Variants in CEBPZ observed in about 807,000 individuals in gnomAD.
The protein encoded by CEBPZ is CCAAT/enhancer-binding protein zeta.
Under a neutral mutation model 104.5 loss-of-function variants are expected in CEBPZ, and 78 were observed. That is an observed-to-expected ratio of 0.75 (90% CI 0.62 to 0.90). CEBPZ has a LOEUF of 0.90. Ranked by LOEUF, CEBPZ falls within the 40% of genes least tolerant of loss-of-function variation. CEBPZ has a pLI of 0.00. For missense variants in CEBPZ, 1,439 were observed against 1,233.5 expected (o/e 1.17, Z -2.50); for synonymous variants, 470 against 427.0 (o/e 1.10, Z -1.24).
intron 4 of CEBPZ, among the ~76,000 whole-genome samples, chr2:37,222,161 G>T (rs1291799711): frequency 6.6e-6 from 1 of 152,194 alleles, no homozygotes; most frequent in Non-Finnish European, 1.5e-5. Context: ...GCACATGCCT[G>T]TAATCCCAGC....
chr2:37,205,893 C>T lies in CEBPZ; in HGVS notation c.2885-2885G>A, dbSNP rs926051041. ...AAAACAATTAGCAGAAAGAAGAGTT[C>T]GTATCATAATAAAGGAGCATGGATT... is the stretch of plus-strand genomic sequence containing the variant. On this transcript the variant is annotated intron_variant, in intron 13 of 15. Coordinates refer to ENST00000234170, the MANE Select transcript of CEBPZ (RefSeq NM_005760.3). 7.2e-5 allele frequency among the ~76,000 whole-genome samples: 11 copies of T among 151,998 alleles called. No individual in the cohort carries two copies. The South Asian group carries it at 8.3e-4, about 11-fold the overall frequency.
chr2:37,229,773 C>A (rs1004533650), intron 1 of CEBPZ, among the ~76,000 whole-genome samples: 1 of 152,168 alleles, frequency 6.6e-6, no homozygotes, highest in Non-Finnish European at 1.5e-5. Context: ...AGTGGCATGA[C>A]CATGGCTGAA....
Position 37,228,643 on chromosome 2 carries a change from A to G in CEBPZ, c.550T>C (p.Tyr184His). The stretch of plus-strand genomic sequence containing the variant: ...TATTCATTGCTGTACTCCAGATCAT[A>G]CCATTTGCCTCCAGGCCTAAGTAAC... ...TLLLRPGGKWYDLEYSNEYSL... is the reference protein window; with the variant it reads ...TLLLRPGGKWHDLEYSNEYSL... The change falls in exon 2 of 16, where the codon TAT (tyrosine) becomes CAT (histidine). Residue 184 changes from tyrosine to histidine, a missense_variant. Physicochemically the swap from Tyr to His is moderately conservative, Grantham distance 83. Transcript: ENST00000234170. 1 of 1,614,182 alleles carries G rather than the reference A, an allele frequency of 6.2e-7. No individual in the cohort carries two copies. Among genetic ancestry groups the G allele is most frequent in the Non-Finnish European group, 8.5e-7 (1 of 1,180,034 alleles).
intron 2 of CEBPZ, among the ~76,000 whole-genome samples, chr2:37,226,949 ACT>A (rs1299505102): frequency 2.0e-5 from 3 of 151,704 alleles, no homozygotes; most frequent in African/African-American, 7.3e-5. Flanking sequence ...ATCCCCCAAA[ACT>A]CTCTACTTAA....
At chr2:37,218,049 C>CGAGGTCAG (rs1260217259) in intron 5 of CEBPZ, among the ~76,000 whole-genome samples, 2 of 151,668 alleles carry the variant, frequency 1.3e-5, no homozygotes, top group Non-Finnish European at 2.9e-5. Context: ...GGGCGGATCA[C>CGAGGTCAG]GAGGTCAGGA....
chr2:37,226,772 T>C (rs533559076), intron 2 of CEBPZ, among the ~76,000 whole-genome samples: 2 of 152,272 alleles, frequency 1.3e-5, no homozygotes, highest in African/African-American at 4.8e-5. Flanking sequence ...GAAGGAAATA[T>C]ATTAATTTCT....
Position 37,213,865 on chromosome 2 carries a change from A to T in CEBPZ, c.2544T>A (p.Ile848=). 6.3e-7 allele frequency: 1 copy of T among 1,596,928 alleles called. No individual in the cohort carries two copies. Among genetic ancestry groups the T allele is most frequent in the Non-Finnish European group, 8.6e-7 (1 of 1,168,144 alleles). Residue 848 remains isoleucine (I), a splice_region_variant and synonymous_variant, in exon 10 of 16, where the codon ATT becomes ATA. Coordinates refer to ENST00000234170, the MANE Select transcript of CEBPZ (RefSeq NM_005760.3). ...DVDDEEFEEL[I]DTFEDDNCFS... is the part of the protein sequence containing the mutation. Reference sequence around the variant, plus strand: ...CAAAGAGTCAACAAAACAAATTACCAATCAGCTCTTCAAATTCTTCATCAT... The same window carrying T: ...CAAAGAGTCAACAAAACAAATTACCTATCAGCTCTTCAAATTCTTCATCAT...
chr2:37,209,533 A>G (rs1262919817), intron 13 of CEBPZ: 1 of 152,174 alleles, frequency 6.6e-6, no homozygotes, highest in Non-Finnish European at 1.5e-5. Flanking sequence ...AACAAAAACA[A>G]AGTGGGGAAA....
chr2:37,216,434 G>A lies in CEBPZ; in HGVS notation c.2209-16C>T. 1 of 1,562,138 alleles carries A rather than the reference G, an allele frequency of 6.4e-7. No homozygotes were observed. On this transcript the variant is annotated splice_polypyrimidine_tract_variant and intron_variant, in intron 6 of 15. Coordinates refer to ENST00000234170, the MANE Select transcript of CEBPZ (RefSeq NM_005760.3). ...TATAGTTTCCCTGAAAAGTGGAGCG[G>A]GGATTTAAAAACTTAATTCAAATTA...
intron 7 of CEBPZ, 48 bp downstream of exon 7, chr2:37,216,268 T>C (rs768861718): frequency 1.2e-6 from 2 of 1,601,222 alleles, no homozygotes; most frequent in South Asian, 1.1e-5. Context: ...ATATTGTTTA[T>C]TATGTATTAA....
intron 1 of CEBPZ, among the ~76,000 whole-genome samples, chr2:37,230,176 C>G (rs1032973650): frequency 1.3e-5 from 2 of 152,072 alleles, no homozygotes; most frequent in African/African-American, 4.8e-5. Context: ...AGCAATGACA[C>G]AGAACGTTAT....
At position 37,212,870 on chromosome 2, in the gene CEBPZ, A is replaced by C. The variant is rs544760883; in HGVS notation, c.2546-478T>G. Among the ~76,000 whole-genome samples, 622 of 143,024 alleles carry C rather than the reference A, an allele frequency of 4.3e-3. 3 individuals carry two copies. The highest frequency in any genetic ancestry group is 0.012 in the African/African-American group (492 of 39,738). The allele number at this position is 143,024 out of a possible 152,430, so 93.8% of individuals were successfully genotyped here. On this transcript the variant is annotated intron_variant, in intron 10 of 15. Transcript: ENST00000234170. ...AAAAAAACAAAAACAACAACAACAA[A>C]AAAAAAAACAAAAAAAAAACGAGCC...
chr2:37,207,260 A>T (rs1284296995), intron 13 of CEBPZ, among the ~76,000 whole-genome samples: 1 of 152,238 alleles, frequency 6.6e-6, no homozygotes, highest in Non-Finnish European at 1.5e-5. Flanking sequence ...CAGAAAGTCA[A>T]CAAAGAAACA....
intron 13 of CEBPZ, among the ~76,000 whole-genome samples, chr2:37,208,231 G>A (rs915145545): frequency 6.6e-6 from 1 of 152,066 alleles, no homozygotes; most frequent in African/African-American, 2.4e-5. Context: ...TCAAAGAACT[G>A]GTACCAATCC....
rs1457970852 is a variant in CEBPZ, at chr2:37,228,148, C to G, written c.1045G>C (p.Val349Leu). Residue 349 changes from valine (V) to leucine (L), a missense_variant, in exon 2 of 16, where the codon GTC (valine) becomes CTC (leucine). Val to Leu is a conservative substitution (Grantham distance 32). Transcript: ENST00000234170. Reference protein sequence around the residue: ...LKHLVAEFVQVLETLSHDTLV... With the variant: ...LKHLVAEFVQLLETLSHDTLV... Reference sequence around the variant, plus strand: ...GTATCATGACTTAAAGTTTCTAAGACCTGCACAAATTCAGCCACTAAGTGT... The same window carrying G: ...GTATCATGACTTAAAGTTTCTAAGAGCTGCACAAATTCAGCCACTAAGTGT... 1 of 1,614,154 alleles carries G rather than the reference C, an allele frequency of 6.2e-7. No individual in the cohort carries two copies. Among genetic ancestry groups the G allele is most frequent in the Admixed American group, 1.7e-5 (1 of 60,026 alleles).
Position 37,223,231 on chromosome 2 carries a change from T to C in CEBPZ, c.1820A>G (p.Tyr607Cys). 6.2e-7 allele frequency: 1 copy of C among 1,614,182 alleles called. No homozygotes were observed. Among genetic ancestry groups the C allele is most frequent in the Admixed American group, 1.7e-5 (1 of 60,030 alleles). ...TGCTTTAAGGATCTCAGACACAAGA[T>C]ATAAAGCTCCACATATAAATGGTGG... is the stretch of plus-strand genomic sequence containing the variant. The part of the protein sequence containing the change: ...QMPPFICGAL[Y>C]LVSEILKAKP... Residue 607 changes from tyrosine (Y) to cysteine (C), a missense_variant, in exon 3 of 16, where the codon TAT becomes TGT. Transcript: ENST00000234170.
At chr2:37,215,047 T>A in intron 8 of CEBPZ, 95 bp from the exon 9 acceptor site, 1 of 804,666 alleles carries the variant, frequency 1.2e-6, no homozygotes, top group African/African-American at 1.7e-5. Context: ...TCTGTAATTC[T>A]AAAAATCTCA....
At chr2:37,207,804 A>G (rs1323524170) in intron 13 of CEBPZ, among the ~76,000 whole-genome samples, 7 of 152,230 alleles carry the variant, frequency 4.6e-5, no homozygotes, top group African/African-American at 1.2e-4. Context: ...AACAAATATC[A>G]GAGCAGAACT....
At position 37,228,100 on chromosome 2, in the gene CEBPZ, C is replaced by A; in HGVS notation, c.1093G>T (p.Ala365Ser). The change falls in exon 2 of 16, where the codon GCC becomes TCC. Residue 365 changes from alanine (A) to serine (S), a missense_variant. By Grantham distance (99) the Ala-to-Ser change is moderately conservative (BLOSUM62 1). Coordinates refer to ENST00000234170, the MANE Select transcript of CEBPZ (RefSeq NM_005760.3). ...AGCAGCTCATGAGCCACGGTAAGGG[C>A]TCGAGTTTTAGTGGTTACTAATGTA... ...HDTLVTTKTR[A>S]LTVAHELLCN... 6.2e-7 allele frequency: 1 copy of A among 1,614,194 alleles called. No individual in the cohort carries two copies. The highest frequency in any genetic ancestry group is 8.5e-7 in the Non-Finnish European group (1 of 1,180,038).
Sources: allele counts gnomAD v4.1 joint callset (sites outside exome capture counted in the v4.1 genomes callset), GRCh38; gene constraint gnomAD v4.1.1; transcripts MANE v1.5; gene names NCBI Gene and HGNC (gene_info 2026-07-23, HGNC 2026-07-21).